Variants in ADAMTS12 observed in about 807,000 individuals in gnomAD.
ADAMTS12 encodes the protein A disintegrin and metalloproteinase with thrombospondin motifs 12.
In ADAMTS12, 118 loss-of-function variants were observed where a neutral mutation model predicts 167.8. The ratio of observed to expected loss-of-function variants is 0.70; its 90% CI spans 0.61 to 0.82. The LOEUF (loss-of-function observed/expected upper bound fraction) is 0.82. Among genes scored for constraint, ADAMTS12 ranks in the 40% least tolerant of loss-of-function variants. ADAMTS12 has a pLI of 0.00. For missense variants in ADAMTS12, 1,916 were observed against 1,998.8 expected, an observed-to-expected ratio of 0.96 and a Z score of 0.79; for synonymous variants, 704 against 716.9, an observed-to-expected ratio of 0.98 and a Z score of 0.29.
chr5:33,592,518 G>A (rs965956236), intron 17 of ADAMTS12, among the ~76,000 whole-genome samples: 2 of 152,000 alleles, frequency 1.3e-5, no homozygotes, highest in African/African-American at 4.8e-5. Context: ...TAGGGAGAAG[G>A]GACTCAAATA....
chr5:33,849,626 AGC>A (rs1749135738), intron 2 of ADAMTS12, among the ~76,000 whole-genome samples: 1 of 134,666 alleles, frequency 7.4e-6, no homozygotes, highest in African/African-American at 2.8e-5. Flanking sequence ...TGTATTGCAT[AGC>A]AATATATATG....
intron 17 of ADAMTS12, among the ~76,000 whole-genome samples, chr5:33,591,451 A>T (rs1446873064): frequency 6.6e-6 from 1 of 152,166 alleles, no homozygotes; most frequent in African/African-American, 2.4e-5. Context: ...TATAATTATC[A>T]TCTTTCTTTG....
At chr5:33,687,806 A>G (rs1197897885) in intron 3 of ADAMTS12, among the ~76,000 whole-genome samples, 1 of 152,164 alleles carries the variant, frequency 6.6e-6, no homozygotes. Context: ...GCAATTTCAG[A>G]AAGTACAAGA....
rs565985299 is a variant in ADAMTS12, at chr5:33,813,132, G to A, written c.490-61584C>T. 4.6e-5 allele frequency among the ~76,000 whole-genome samples: 7 copies of A among 152,298 alleles called. No homozygotes were observed. In the South Asian group the frequency reaches 6.2e-4, roughly 14 times the overall value. ...CCATGTGGGTGACTTGCTGGATCAC[G>A]CAAAACAGATTCCCAGTGTTATGCA... On this transcript the variant is annotated intron_variant, in intron 2 of 23. Coordinates refer to ENST00000504830, the MANE Select transcript of ADAMTS12 (RefSeq NM_030955.4).
At chr5:33,660,496 T>C (rs1741220167) in intron 6 of ADAMTS12, among the ~76,000 whole-genome samples, 1 of 152,230 alleles carries the variant, frequency 6.6e-6, no homozygotes, top group Admixed American at 6.5e-5. Context: ...ACATGTAAGC[T>C]ATCATTAACT....
At chr5:33,850,278 T>C (rs1268518604) in intron 2 of ADAMTS12, among the ~76,000 whole-genome samples, 1 of 152,030 alleles carries the variant, frequency 6.6e-6, no homozygotes, top group African/African-American at 2.4e-5. Context: ...TCAGACACAA[T>C]GACTCAGCAG....
chr5:33,846,922 G>C (rs1748967793), intron 2 of ADAMTS12, among the ~76,000 whole-genome samples: 1 of 152,148 alleles, frequency 6.6e-6, no homozygotes. Context: ...TAGCAATATT[G>C]CTTCTTTCTT....
At chr5:33,637,483 A>G in intron 12 of ADAMTS12, 94 bp downstream of exon 12, 2 of 1,304,542 alleles carry the variant, frequency 1.5e-6, no homozygotes, top group Middle Eastern at 3.9e-4. Context: ...GTCTTTGTTA[A>G]GCTTTGTGTG....
At chr5:33,684,524 C>G (rs1300805883) in intron 3 of ADAMTS12, among the ~76,000 whole-genome samples, 1 of 152,146 alleles carries the variant, frequency 6.6e-6, no homozygotes, top group East Asian at 1.9e-4. Flanking sequence ...TTGTGCAGCC[C>G]ATCAGTCAGT....
intron 2 of ADAMTS12, among the ~76,000 whole-genome samples, chr5:33,760,609 T>C (rs927381395): frequency 2.4e-4 from 36 of 152,320 alleles, no homozygotes; most frequent in Admixed American, 4.6e-4. Flanking sequence ...TCTCAAACCA[T>C]GCATTTCTGG....
intron 17 of ADAMTS12, among the ~76,000 whole-genome samples, chr5:33,590,399 T>C (rs1333488334): frequency 1.3e-5 from 2 of 152,176 alleles, no homozygotes; most frequent in African/African-American, 2.4e-5. Context: ...TGGGATCTGA[T>C]GGGAGGTGTT....
intron 4 of ADAMTS12, 73 bp downstream of exon 4, chr5:33,683,786 T>C: frequency 1.6e-6 from 2 of 1,240,072 alleles, no homozygotes; most frequent in Non-Finnish European, 2.1e-6. Flanking sequence ...AAGGCCTTTC[T>C]TATTTATTTA....
At chr5:33,728,167 A>G (rs1744054324) in intron 3 of ADAMTS12, among the ~76,000 whole-genome samples, 1 of 152,098 alleles carries the variant, frequency 6.6e-6, no homozygotes, top group Non-Finnish European at 1.5e-5. Flanking sequence ...CTCTTCCCCT[A>G]GAAGGAGGCC....
At chr5:33,599,583 G>A (rs1009194573) in intron 16 of ADAMTS12, among the ~76,000 whole-genome samples, 1 of 151,998 alleles carries the variant, frequency 6.6e-6, no homozygotes, top group African/African-American at 2.4e-5. Context: ...TTATTCCCCT[G>A]ACCCTTCACT....
At chr5:33,547,449 T>A (rs1200800136) in intron 21 of ADAMTS12, among the ~76,000 whole-genome samples, 3 of 151,898 alleles carry the variant, frequency 2.0e-5, no homozygotes, top group African/African-American at 7.3e-5. Flanking sequence ...CTAAAATGCA[T>A]CTGCCATGGA....
At chr5:33,750,391 G>A (rs1029867708) in intron 3 of ADAMTS12, among the ~76,000 whole-genome samples, 1 of 152,156 alleles carries the variant, frequency 6.6e-6, no homozygotes, top group Non-Finnish European at 1.5e-5. Flanking sequence ...TCTGGCATAG[G>A]GACTGGGTGA....
intron 2 of ADAMTS12, among the ~76,000 whole-genome samples, chr5:33,769,552 G>T (rs1438726444): frequency 6.6e-6 from 1 of 152,108 alleles, no homozygotes; most frequent in Non-Finnish European, 1.5e-5. Context: ...TCAATTACAG[G>T]CAGTGATGTT....
intron 12 of ADAMTS12, among the ~76,000 whole-genome samples, chr5:33,631,915 C>T (rs936359580): frequency 6.6e-6 from 1 of 152,120 alleles, no homozygotes; most frequent in African/African-American, 2.4e-5. Flanking sequence ...TAAGGCTATT[C>T]GTCATGGGCC....
intron 2 of ADAMTS12, among the ~76,000 whole-genome samples, chr5:33,822,084 C>T (rs554498264): frequency 1.3e-5 from 2 of 152,200 alleles, no homozygotes; most frequent in Non-Finnish European, 2.9e-5. Flanking sequence ...TTTTCCCTCA[C>T]TCCTGGTCTC....
Sources: gnomAD v4.1 joint callset for allele counts (sites outside exome capture counted in the v4.1 genomes callset) on GRCh38, gnomAD v4.1.1 for gene constraint, MANE v1.5 for transcripts, NCBI Gene and HGNC (gene_info 2026-07-23, HGNC 2026-07-21) for gene names.